Variants in GPC3 observed in about 807,000 individuals in gnomAD.
The protein encoded by GPC3 is glypican 3, also known as glypican-3.
Under a neutral mutation model 34.4 loss-of-function variants are expected in GPC3, and 3 were observed. The ratio of observed to expected loss-of-function variants is 0.09; its 90% confidence interval spans 0.04 to 0.23. The LOEUF is 0.23. Ranked by LOEUF, GPC3 falls within the 10% of genes least tolerant of loss-of-function variation. GPC3 has a pLI of 1.00. For missense variants in GPC3, 351 were observed against 445.6 expected, an observed-to-expected ratio of 0.79 and a Z score of 1.91; for synonymous variants, 177 against 174.0, an observed-to-expected ratio of 1.02 and a Z score of -0.13.
At chrX:133,675,387 T>C (rs749568841) in intron 5 of GPC3, among the ~76,000 whole-genome samples, 199 of 111,243 alleles carry the variant, frequency 1.8e-3, no homozygotes, top group African/African-American at 6.0e-3. Context: ...GTTTTGTTCC[T>C]CCAAGCCAGT....
chrX:133,674,650 A>G lies in GPC3; in HGVS notation c.1293-12800T>C, dbSNP rs1236837868. On this transcript the variant is annotated intron_variant, in intron 5 of 7. Coordinates refer to ENST00000370818, the MANE Select transcript of GPC3 (RefSeq NM_004484.4). Reference sequence around the variant, plus strand: ...AGAACTAATCATTCACCTGTGGCCCAGGGCAACCCTCCAAAGTTTCCTGAG... The same window carrying G: ...AGAACTAATCATTCACCTGTGGCCCGGGGCAACCCTCCAAAGTTTCCTGAG... Among the ~76,000 whole-genome samples the G allele has an allele frequency of 3.6e-5, 4 of 111,463 alleles. No individual in the cohort carries two copies. In the Admixed American group the frequency reaches 3.8e-4, roughly 11 times the overall value.
intron 3 of GPC3, among the ~76,000 whole-genome samples, chrX:133,702,202 T>C (rs943034461): frequency 1.8e-5 from 2 of 112,086 alleles, no homozygotes; most frequent in African/African-American, 6.5e-5. Flanking sequence ...ATAATGCAGA[T>C]GCCAAATAAA....
intron 1 of GPC3, among the ~76,000 whole-genome samples, chrX:133,981,699 G>A (rs954505610): frequency 5.3e-5 from 6 of 112,252 alleles, no homozygotes; most frequent in African/African-American, 1.9e-4. Context: ...TTGGGGAACC[G>A]CAGCTGGCAA....
intron 2 of GPC3, among the ~76,000 whole-genome samples, chrX:133,858,162 G>GA (rs1289856994): frequency 3.6e-5 from 4 of 111,317 alleles, no homozygotes; most frequent in Non-Finnish European, 5.7e-5. Flanking sequence ...AGAAATTTCC[G>GA]AACTATCACT....
rs774660594 is a variant in GPC3 at position 133,744,761 on chromosome X, C to A, written c.1032+8721G>T. Among the ~76,000 whole-genome samples, 44 of 112,126 alleles carry A rather than the reference C, an allele frequency of 3.9e-4. 1 individual carries two copies. The South Asian group carries it at 0.017, about 43-fold the overall frequency. On this transcript the variant is annotated intron_variant, in intron 3 of 7. Coordinates refer to ENST00000370818, the MANE Select transcript of GPC3 (RefSeq NM_004484.4). ...ACAATAGCAAAGACTTGGAACCAAC[C>A]CAAATGCCCATCAATGTTAGACTGG...
intron 5 of GPC3, among the ~76,000 whole-genome samples, chrX:133,685,214 A>G (rs2070986787): frequency 1.8e-5 from 2 of 111,598 alleles, no homozygotes; most frequent in Admixed American, 9.5e-5. Context: ...TGCCTTTCCT[A>G]GATCATAGGG....
At position 133,953,889 on chromosome X, in the gene GPC3, T is replaced by C. The variant is rs1212231034; in HGVS notation, c.176-678A>G. On this transcript the variant is annotated intron_variant, in intron 1 of 7. Coordinates refer to ENST00000370818, the MANE Select transcript of GPC3 (RefSeq NM_004484.4). ...CAAACAAACAAAAATATAAACATAA[T>C]GTCAAAAGGTGATAAATACTATAGA... Among the ~76,000 whole-genome samples, 8 of 111,408 alleles carry C rather than the reference T, an allele frequency of 7.2e-5. No homozygotes were observed. In the Admixed American group the frequency reaches 7.7e-4, roughly 11 times the overall value.
Position 133,909,526 on chromosome X carries a change from C to T in GPC3, c.337+43524G>A, listed in dbSNP as rs576617342. On this transcript the variant is annotated intron_variant, in intron 2 of 7. Coordinates refer to ENST00000370818, the MANE Select transcript of GPC3 (RefSeq NM_004484.4). The stretch of plus-strand genomic sequence containing the variant: ...TCTTCAATATGAATGTTTTAGATTA[C>T]GCATTCCTTTTTGCCTTTAGATTCT... Among the ~76,000 whole-genome samples, 23 of 111,668 alleles carry T rather than the reference C, an allele frequency of 2.1e-4. No individual in the cohort carries two copies. In the South Asian group the frequency reaches 4.2e-3, roughly 20 times the overall value.
chrX:133,952,693 C>A (rs781181504), intron 2 of GPC3, among the ~76,000 whole-genome samples: 1 of 112,349 alleles, frequency 8.9e-6, no homozygotes, highest in Non-Finnish European at 1.9e-5. Flanking sequence ...ATCCCACAAG[C>A]ATCTAACTCA....
intron 7 of GPC3, among the ~76,000 whole-genome samples, chrX:133,542,411 G>C (rs1461302264): frequency 9.0e-6 from 1 of 111,125 alleles, no homozygotes; most frequent in Admixed American, 9.6e-5. Context: ...AAAGCTAATG[G>C]AGTCTTGAGC....
intron 2 of GPC3, among the ~76,000 whole-genome samples, chrX:133,795,249 T>G (rs2075572406): frequency 8.9e-6 from 1 of 112,876 alleles, no homozygotes; most frequent in Admixed American, 9.3e-5. Flanking sequence ...AGCCATTCTA[T>G]TTTTCAGGAA....
chrX:133,882,785 A>G (rs1318248364), intron 2 of GPC3, among the ~76,000 whole-genome samples: 1 of 111,822 alleles, frequency 8.9e-6, no homozygotes, highest in Non-Finnish European at 1.9e-5. Context: ...GAGAAAATGG[A>G]AAGATATCCT....
At chrX:133,902,163 G>C (rs185107125) in intron 2 of GPC3, among the ~76,000 whole-genome samples, 4 of 112,129 alleles carry the variant, frequency 3.6e-5, no homozygotes, top group Non-Finnish European at 5.6e-5. Context: ...TATTTTATTA[G>C]GTAACAGAAA....
intron 2 of GPC3, among the ~76,000 whole-genome samples, chrX:133,826,122 C>T (rs1470544594): frequency 1.8e-5 from 2 of 111,691 alleles, no homozygotes; most frequent in African/African-American, 6.5e-5. Context: ...AAAAAACCCA[C>T]AAAAGACACG....
At chrX:133,685,684 A>C (rs1165737878) in intron 5 of GPC3, among the ~76,000 whole-genome samples, 1 of 110,407 alleles carries the variant, frequency 9.1e-6, no homozygotes, top group Admixed American at 9.7e-5. Flanking sequence ...TTATTTAGTA[A>C]GGCCAGCTGC....
At chrX:133,980,986 T>A (rs1362462800) in intron 1 of GPC3, among the ~76,000 whole-genome samples, 2 of 112,554 alleles carry the variant, frequency 1.8e-5, no homozygotes, top group African/African-American at 6.4e-5. Flanking sequence ...AAAAAACACA[T>A]TGCAAAACTG....
intron 7 of GPC3, among the ~76,000 whole-genome samples, chrX:133,544,186 G>A (rs1052731719): frequency 1.8e-5 from 2 of 111,775 alleles, no homozygotes; most frequent in African/African-American, 6.5e-5. Flanking sequence ...AGCTGTGATT[G>A]TGCCACTGCA....
chrX:133,848,052 G>A (rs1235139379), intron 2 of GPC3, among the ~76,000 whole-genome samples: 1 of 111,935 alleles, frequency 8.9e-6, no homozygotes, highest in African/African-American at 3.2e-5. Context: ...TGAAGTGATA[G>A]AGGAAAGGGA....
At chrX:133,751,873 T>C (rs926105951) in intron 3 of GPC3, among the ~76,000 whole-genome samples, 1 of 110,828 alleles carries the variant, frequency 9.0e-6, no homozygotes, top group Admixed American at 9.5e-5. Flanking sequence ...TTCTCTCTCT[T>C]GTTTTTTTTG....
Sources: gnomAD v4.1 joint callset for allele counts (sites outside exome capture counted in the v4.1 genomes callset) on GRCh38, gnomAD v4.1.1 for gene constraint, MANE v1.5 for transcripts, NCBI Gene and HGNC (gene_info 2026-07-23, HGNC 2026-07-21) for gene names.